The following ABCA10 variants were observed in gnomAD, a reference collection of about 807,000 sequenced individuals.
ABCA10 encodes ATP binding cassette subfamily A member 10.
ABCA10 carries 169 observed loss-of-function variants against 187.5 expected under a neutral mutation model. The observed-to-expected ratio is 0.90, with a 90% CI of 0.80 to 1.02. The LOEUF (loss-of-function observed/expected upper bound fraction) is 1.02. ABCA10 is among the 50% of genes least tolerant of loss of function. ABCA10 has a pLI of 0.00. For missense variants in ABCA10, 1,727 were observed against 1,812.4 expected (o/e 0.95, Z 0.86); for synonymous variants, 574 against 601.8 (o/e 0.95, Z 0.68).
intron 9 of ABCA10, among the ~76,000 whole-genome samples, chr17:69,204,130 G>T (rs1162674442): frequency 6.6e-6 from 1 of 152,132 alleles, no homozygotes; most frequent in Non-Finnish European, 1.5e-5. Flanking sequence ...ATCTTTACAT[G>T]CTATATTGTC....
intron 15 of ABCA10, 47 bp from the exon 16 acceptor site, chr17:69,192,700 T>C: frequency 6.9e-7 from 1 of 1,455,330 alleles, no homozygotes; most frequent in South Asian, 1.2e-5. Flanking sequence ...AGTAATTCCT[T>C]ATATGGTATA....
intron 6 of ABCA10, 28 bp from the exon 7 acceptor site, chr17:69,216,386 ACT>A: frequency 6.3e-7 from 1 of 1,586,184 alleles, no homozygotes; most frequent in Non-Finnish European, 8.6e-7. Context: ...TGTTAGTTCA[ACT>A]GTCACAAACA....
At position 69,190,445 on chromosome 17, in the gene ABCA10, G is replaced by T; in HGVS notation, c.2044C>A (p.Gln682Lys). 1 of 1,579,982 alleles carries T rather than the reference G, an allele frequency of 6.3e-7. No homozygotes were observed. The highest frequency in any genetic ancestry group is 1.2e-5 in the South Asian group (1 of 83,752). The change falls in exon 18 of 39, where the codon CAG (glutamine) becomes AAG (lysine). Residue 682 changes from glutamine to lysine, a missense_variant. Transcript: ENST00000690296. ...GAAACAGCATAATTCCTTATGCCCT[G>T]GTCAGAACACTTATCAAGGTCACTG... ...LYSDLDKCSDQGIRNYAVSVT... is the reference protein window; with the variant it reads ...LYSDLDKCSDKGIRNYAVSVT...
Position 69,182,768 on chromosome 17 carries a change from C to T in ABCA10, c.2538G>A (p.Gln846=), listed in dbSNP as rs768646831. The part of the protein sequence containing the change: ...IEDLVHSLKC[Q]DIVLEIDDFR... ...AGTCATCTATTTCCAAAACTATATC[C>T]TGACACTTCAGTGAATGCACGAGGT... is the stretch of plus-strand genomic sequence containing the variant. Residue 846 remains glutamine, a synonymous_variant, in exon 21 of 39, where the codon CAG becomes CAA. Coordinates refer to ENST00000690296, the MANE Select transcript of ABCA10 (RefSeq NM_001377321.1). The T allele has an allele frequency of 1.9e-6, 3 of 1,611,048 alleles. No homozygotes were observed. The Admixed American group carries it at 5.0e-5, about 27-fold the overall frequency.
intron 1 of ABCA10, among the ~76,000 whole-genome samples, chr17:69,243,024 T>G (rs1472486163): frequency 6.6e-6 from 1 of 152,200 alleles, no homozygotes; most frequent in Non-Finnish European, 1.5e-5. Flanking sequence ...CTTATATCAT[T>G]ATTTAGTTTA....
intron 25 of ABCA10, 146 bp downstream of exon 25, chr17:69,174,135 A>G (rs2074315859): frequency 2.0e-6 from 1 of 511,956 alleles, no homozygotes; most frequent in Non-Finnish European, 3.3e-6. Context: ...ACCCATAAAC[A>G]TGGTACAACA....
In ABCA10 at chr17:69,153,337, G is replaced by A. The variant is rs374412556; in HGVS notation, c.4104C>T (p.Thr1368=). 3.5e-5 allele frequency: 56 copies of A among 1,613,004 alleles called. No homozygotes were observed. Among genetic ancestry groups the A allele is most frequent in the Admixed American group, 1.0e-4 (6 of 59,844 alleles). Reference sequence around the variant, plus strand: ...GCTGCTGCCCCTCGGGGTCCATCCCGGTGAACGGCTCATCTAGAAGCACCA... The same window carrying A: ...GCTGCTGCCCCTCGGGGTCCATCCCAGTGAACGGCTCATCTAGAAGCACCA... ...PSVVLLDEPF[T]GMDPEGQQQM... Residue 1368 remains threonine, a synonymous_variant, in exon 34 of 39, where the codon ACC becomes ACT. Coordinates refer to ENST00000690296, the MANE Select transcript of ABCA10 (RefSeq NM_001377321.1).
At chr17:69,175,137 G>C (rs555831899) in intron 23 of ABCA10, among the ~76,000 whole-genome samples, 1 of 152,224 alleles carries the variant, frequency 6.6e-6, no homozygotes, top group East Asian at 1.9e-4. Flanking sequence ...TGAAATAACT[G>C]CATGGATCAA....
At chr17:69,172,047 G>A (rs1253968491) in intron 25 of ABCA10, among the ~76,000 whole-genome samples, 1 of 150,354 alleles carries the variant, frequency 6.7e-6, no homozygotes, top group African/African-American at 2.4e-5. Context: ...TCTTTTTTAA[G>A]TTCTTAAAAT....
chr17:69,208,823 G>T (rs928600229), intron 9 of ABCA10, among the ~76,000 whole-genome samples: 3 of 152,098 alleles, frequency 2.0e-5, no homozygotes, highest in African/African-American at 7.2e-5. Context: ...GATCCCTTGA[G>T]GCCAGGAGTT....
intron 19 of ABCA10, among the ~76,000 whole-genome samples, chr17:69,187,111 G>A (rs1301303044): frequency 6.6e-6 from 1 of 151,782 alleles, no homozygotes; most frequent in Non-Finnish European, 1.5e-5. Flanking sequence ...AAAAAAAAAA[G>A]AAACAATTTG....
Position 69,185,652 on chromosome 17 carries a change from A to G in ABCA10, c.2331-9T>C. 1 of 1,574,498 alleles carries G rather than the reference A, an allele frequency of 6.4e-7. No homozygotes were observed. The highest frequency in any genetic ancestry group is 8.7e-7 in the Non-Finnish European group (1 of 1,155,280). On this transcript the variant is annotated splice_polypyrimidine_tract_variant and intron_variant, in intron 19 of 38. Transcript: ENST00000690296. ...TTCCAAGTACTAGTAACCTAAGTAA[A>G]ACAAAATTATAACATGAGTCTGAAG... is the stretch of plus-strand genomic sequence containing the variant.
intron 6 of ABCA10, among the ~76,000 whole-genome samples, chr17:69,218,446 G>T (rs903291711): frequency 6.6e-6 from 1 of 151,944 alleles, no homozygotes; most frequent in African/African-American, 2.4e-5. Context: ...GTGGATAATA[G>T]TTCTGTCATC....
At chr17:69,168,595 TGTAGTTACA>T (rs1278849117) in intron 25 of ABCA10, among the ~76,000 whole-genome samples, 1 of 152,250 alleles carries the variant, frequency 6.6e-6, no homozygotes, top group Admixed American at 6.5e-5. Flanking sequence ...AAATAGTTAC[TGTAGTTACA>T]GGAATAAAAT....
chr17:69,166,259 GAAT>G (rs1237624842), intron 25 of ABCA10, among the ~76,000 whole-genome samples: 3 of 151,418 alleles, frequency 2.0e-5, no homozygotes, highest in Non-Finnish European at 4.4e-5. Flanking sequence ...CATAAACTTT[GAAT>G]AATACCGTAG....
intron 1 of ABCA10, among the ~76,000 whole-genome samples, chr17:69,240,409 G>A (rs900717557): frequency 6.6e-6 from 1 of 152,160 alleles, no homozygotes; most frequent in Admixed American, 6.6e-5. Context: ...TCAGAGGCAG[G>A]AGAAATAAGT....
At chr17:69,184,849 A>T (rs1182441688) in intron 20 of ABCA10, among the ~76,000 whole-genome samples, 1 of 144,082 alleles carries the variant, frequency 6.9e-6, no homozygotes, top group African/African-American at 2.7e-5. Flanking sequence ...ATATATGTAT[A>T]TGTGTGTGTG....
Position 69,185,476 on chromosome 17 carries a change from C to A in ABCA10, c.2497+1G>T. ...CACTAAATTTCAGCCCCATTTCTCA[C>A]CTGTATTATTAACGATTAACAGGCT... is the stretch of plus-strand genomic sequence containing the variant. On this transcript the variant is annotated splice_donor_variant, in intron 20 of 38. Transcript: ENST00000690296. LOFTEE classifies it high-confidence loss of function. 1.2e-6 allele frequency: 2 copies of A among 1,610,264 alleles called. No individual in the cohort carries two copies. Among genetic ancestry groups the A allele is most frequent in the Non-Finnish European group, 1.7e-6 (2 of 1,177,838 alleles).
In ABCA10 at chr17:69,197,129, G is replaced by C. The variant is rs1314638393; in HGVS notation, c.1176-7C>G. The C allele has an allele frequency of 1.3e-6, 2 of 1,574,084 alleles. No homozygotes were observed. Among genetic ancestry groups the C allele is most frequent in the Admixed American group, 3.4e-5 (2 of 59,192 alleles). ...TTTTATAACATTTCTGATTCTGAAA[G>C]AAGATGAAGTAATTTTCATGTAAAT... On this transcript the variant is annotated splice_polypyrimidine_tract_variant and splice_region_variant and intron_variant, in intron 10 of 38. Transcript: ENST00000690296.
Sources: gnomAD v4.1 joint callset for allele counts (sites outside exome capture counted in the v4.1 genomes callset) on GRCh38, gnomAD v4.1.1 for gene constraint, MANE v1.5 for transcripts, NCBI Gene and HGNC (gene_info 2026-07-23, HGNC 2026-07-21) for gene names.